The following SPATA7 variants were observed in gnomAD, a reference collection of about 807,000 sequenced individuals.
SPATA7 encodes spermatogenesis associated 7, also known as spermatogenesis-associated protein 7.
A neutral mutation model predicts 51.8 loss-of-function variants in SPATA7; 43 were observed. The ratio of observed to expected loss-of-function variants is 0.83; its 90% CI spans 0.65 to 1.07. The LOEUF (loss-of-function observed/expected upper bound fraction) is 1.07, where lower values mean the gene tolerates loss of function less well. Ranked by LOEUF, SPATA7 falls within the 50% of genes least tolerant of loss-of-function variation. The pLI, the probability that SPATA7 is intolerant of heterozygous loss-of-function variation, is 0.00. For missense variants in SPATA7, 683 were observed against 701.3 expected, an observed-to-expected ratio of 0.97 and a Z score of 0.30; for synonymous variants, 230 against 252.8, an observed-to-expected ratio of 0.91 and a Z score of 0.86.
In SPATA7 at chr14:88,437,566, G is replaced by A. The variant is rs202077954; in HGVS notation, c.1184G>A (p.Arg395Gln). The A allele has an allele frequency of 3.7e-5, 59 of 1,610,456 alleles. No homozygotes were observed. Among genetic ancestry groups the A allele is most frequent in the African/African-American group, 8.0e-5 (6 of 74,946 alleles). The part of the protein sequence containing the change: ...SNRFLERLFE[R>Q]HIKQNKHLEE... ...AGGTTTTTAGAACGACTGTTCGAGC[G>A]ACATATAAAACAAAATAAACATTTG... The change falls in exon 11 of 12, where the codon CGA (arginine) becomes CAA (glutamine). Residue 395 changes from arginine to glutamine, a missense_variant. By Grantham distance (43) the Arg-to-Gln change is conservative. Transcript: ENST00000393545.
Position 88,469,159 on chromosome 14 carries a change from T to TTAATCAGTGGAGA in SPATA7, c.255-688_255-687insTAATCAGTGGAGA. 1 of 1,426,764 alleles carries TTAATCAGTGGAGA rather than the reference T, an allele frequency of 7.0e-7. No homozygotes were observed. The highest frequency in any genetic ancestry group is 9.5e-7 in the Non-Finnish European group (1 of 1,049,914). The allele number at this position is 1,426,764 out of a possible 1,614,324, so 88.4% of individuals were successfully genotyped here. ...GACTCAATCTTCATATTCTCTCCAC[T>TTAATCAGTGGAGA]GATTAAGAGGACTGCAGATAAAGAG... On this transcript the variant is annotated intron_variant, in intron 4 of 4. Transcript: ENST00000556406. This position sits in a 1 kb window ranked among gnomAD's most constrained non-coding sequence, Gnocchi z 4.3.
intron 5 of SPATA7, among the ~76,000 whole-genome samples, chr14:88,423,184 C>A (rs2076692152): frequency 6.6e-6 from 1 of 152,002 alleles, no homozygotes; most frequent in South Asian, 2.1e-4. Context: ...ACTGGTGTAG[C>A]ACTTACTGTG....
At chr14:88,435,835 G>C (rs933191381) in intron 10 of SPATA7, among the ~76,000 whole-genome samples, 1 of 152,062 alleles carries the variant, frequency 6.6e-6, no homozygotes, top group Admixed American at 6.5e-5. Context: ...TTTGTTAATG[G>C]ACACTTAGTT....
intron 5 of SPATA7, 38 bp downstream of exon 5, chr14:88,416,882 C>T: frequency 6.5e-7 from 1 of 1,536,750 alleles, no homozygotes; most frequent in African/African-American, 1.4e-5. Context: ...GCAAATGTTT[C>T]TAAGGTACTT....
intron 4 of SPATA7, among the ~76,000 whole-genome samples, chr14:88,413,548 A>G (rs1930215): frequency 0.035 from 5,373 of 152,186 alleles, 312 homozygotes; most frequent in African/African-American, 0.12. Flanking sequence ...TCTTTCTCTT[A>G]CCTAATTACT....
intron 3 of SPATA7, among the ~76,000 whole-genome samples, chr14:88,448,447 G>C (rs374751913): frequency 6.6e-6 from 1 of 151,950 alleles, no homozygotes; most frequent in Non-Finnish European, 1.5e-5. Context: ...CCCGTAGCTC[G>C]GAGTAATTTG....
At chr14:88,397,866 G>A (rs889386522) in intron 4 of SPATA7, among the ~76,000 whole-genome samples, 24 of 152,136 alleles carry the variant, frequency 1.6e-4, no homozygotes, top group Admixed American at 1.4e-3. Context: ...GGCGGATCAC[G>A]AGGTCAGGAG....
intron 5 of SPATA7, 140 bp downstream of exon 5, chr14:88,416,984 G>A (rs981547103): frequency 3.9e-5 from 27 of 688,476 alleles, no homozygotes; most frequent in Admixed American, 5.8e-5. Context: ...TTAAAAGGCT[G>A]TTCAGGCCTC....
chr14:88,440,667 G>C (rs2077172325), downstream of SPATA7, among the ~76,000 whole-genome samples: 1 of 152,122 alleles, frequency 6.6e-6, no homozygotes, highest in Non-Finnish European at 1.5e-5. Flanking sequence ...AGGTTGCCTG[G>C]ATTTGATTCC....
intron 3 of SPATA7, among the ~76,000 whole-genome samples, chr14:88,444,264 T>G (rs1029704271): frequency 6.6e-6 from 1 of 152,246 alleles, no homozygotes; most frequent in Non-Finnish European, 1.5e-5. Context: ...ATGTGTTTTT[T>G]GGCTGCATAA....
intron 10 of SPATA7, among the ~76,000 whole-genome samples, chr14:88,434,014 C>T (rs1161571776): frequency 6.6e-6 from 1 of 152,050 alleles, no homozygotes; most frequent in Non-Finnish European, 1.5e-5. Flanking sequence ...TAAAGAGTTT[C>T]AGGATACATA....
At chr14:88,393,820 A>AT (rs1283136335) in intron 3 of SPATA7, among the ~76,000 whole-genome samples, 1 of 152,076 alleles carries the variant, frequency 6.6e-6, no homozygotes, top group Non-Finnish European at 1.5e-5. Context: ...AGAAGATGCT[A>AT]TTTTTCTGTT....
rs2077426712 is a variant in SPATA7, at chr14:88,469,700, G to T, written c.255-147G>T. The T allele has an allele frequency of 5.6e-6, 9 of 1,614,052 alleles. No individual in the cohort carries two copies. Among genetic ancestry groups the T allele is most frequent in the Admixed American group, 1.7e-5 (1 of 59,992 alleles). On this transcript the variant is annotated intron_variant, in intron 4 of 4. Transcript: ENST00000556406. This position sits in a 1 kb window ranked among gnomAD's most constrained non-coding sequence, Gnocchi z 4.3. ...GTGTTGTGCCTGGAACCAAGTCGTG[G>T]CCAGTACCTAAAGCTCTTCTCCCTT...
chr14:88,409,925 T>C (rs2076294849), intron 4 of SPATA7, among the ~76,000 whole-genome samples: 1 of 152,328 alleles, frequency 6.6e-6, no homozygotes, highest in African/African-American at 2.4e-5. Context: ...AATCCTGAGT[T>C]CTAATTTGAT....
intron 4 of SPATA7, chr14:88,466,232 T>C (rs933614138): frequency 2.0e-5 from 3 of 152,224 alleles, no homozygotes; most frequent in African/African-American, 4.8e-5. Context: ...TTACAAAATT[T>C]ACATTTTGTT....
chr14:88,464,586 C>T (rs1263333774), intron 4 of SPATA7, among the ~76,000 whole-genome samples: 6 of 151,910 alleles, frequency 3.9e-5, no homozygotes, highest in Non-Finnish European at 7.4e-5. Context: ...AAAAATTAGC[C>T]GGGCGTAATG....
chr14:88,421,179 C>T (rs1267203334), intron 5 of SPATA7, among the ~76,000 whole-genome samples: 2 of 152,192 alleles, frequency 1.3e-5, no homozygotes, highest in African/African-American at 4.8e-5. Flanking sequence ...GATTTCCCCA[C>T]TGTCTCCTTT....
At position 88,470,112 on chromosome 14, in the gene SPATA7, A is replaced by G. The variant is rs138524205; in HGVS notation, c.*245A>G. 6.7e-4 allele frequency: 1,025 copies of G among 1,519,042 alleles called. 6 individuals are homozygous for G. The African/African-American group carries it at 0.011, about 16-fold the overall frequency. 94.1% of individuals were successfully genotyped at this position (1,519,042 alleles called of 1,614,324 possible). A position where few individuals can be genotyped will look rare whatever the true frequency, so the allele number is the denominator to read the frequency against. On this transcript the variant is annotated 3_prime_UTR_variant, in exon 5 of 5. Coordinates refer to the SPATA7 transcript ENST00000556406. Reference sequence around the variant, plus strand: ...GTATAATATACATAGGTATGTATGCATGCATTCATGGTAGTACTAAAAAAG... The same window carrying G: ...GTATAATATACATAGGTATGTATGCGTGCATTCATGGTAGTACTAAAAAAG...
At chr14:88,454,819 AAAAG>A (rs928188261) in intron 3 of SPATA7, among the ~76,000 whole-genome samples, 15 of 152,328 alleles carry the variant, frequency 9.8e-5, no homozygotes, top group South Asian at 2.1e-4. Flanking sequence ...AAAAGAAAAA[AAAAG>A]AAAGCCTAGA....
Sources: allele counts gnomAD v4.1 joint callset (sites outside exome capture counted in the v4.1 genomes callset), GRCh38; gene constraint gnomAD v4.1.1; non-coding constraint Gnocchi (gnomAD v3.1); transcripts MANE v1.5; gene names NCBI Gene and HGNC (gene_info 2026-07-23, HGNC 2026-07-21).